The following CNTN3 variants were observed in gnomAD, a reference collection of about 807,000 sequenced individuals.
CNTN3 encodes contactin-3.
CNTN3 carries 60 observed loss-of-function variants against 119.1 expected under a neutral mutation model. That is an observed-to-expected ratio of 0.50 (90% CI 0.41 to 0.62). The LOEUF is 0.62. Among genes scored for constraint, CNTN3 ranks in the 20% least tolerant of loss-of-function variants. The pLI, the probability that CNTN3 is intolerant of heterozygous loss-of-function variation, is 0.00. For synonymous variants in CNTN3, 450 were observed against 438.7 expected (o/e 1.03, Z -0.32); for missense variants, 1,101 against 1,242.4 (o/e 0.89, Z 1.71).
intron 4 of CNTN3, among the ~76,000 whole-genome samples, chr3:74,448,282 A>G (rs1269512710): frequency 6.6e-6 from 1 of 152,158 alleles, no homozygotes; most frequent in Non-Finnish European, 1.5e-5. Flanking sequence ...CTTTTAACCA[A>G]CAACATAGAG....
chr3:74,589,359 CTCA>C (rs1354401617), intron 1 of CNTN3, among the ~76,000 whole-genome samples: 25 of 148,796 alleles, frequency 1.7e-4, no homozygotes, highest in Non-Finnish European at 3.3e-4. Flanking sequence ...TGAAAAAATG[CTCA>C]TCATCACTGG....
At chr3:74,438,858 G>A (rs1701914537) in intron 4 of CNTN3, among the ~76,000 whole-genome samples, 1 of 152,034 alleles carries the variant, frequency 6.6e-6, no homozygotes, top group Non-Finnish European at 1.5e-5. Flanking sequence ...TAGCAATATT[G>A]AAAAATATAA....
intron 4 of CNTN3, among the ~76,000 whole-genome samples, chr3:74,466,071 T>C (rs1246290478): frequency 1.3e-5 from 2 of 152,148 alleles, no homozygotes; most frequent in East Asian, 3.9e-4. Flanking sequence ...TGAGTTTCTA[T>C]TGCTTGTCAC....
chr3:74,270,770 G>A (rs1182385833), intron 20 of CNTN3, among the ~76,000 whole-genome samples: 1 of 152,096 alleles, frequency 6.6e-6, no homozygotes, highest in Non-Finnish European at 1.5e-5. Context: ...ACCTAAACTG[G>A]TAAGTAGTCT....
At chr3:74,542,941 A>T (rs1357582380) in intron 1 of CNTN3, among the ~76,000 whole-genome samples, 2 of 152,098 alleles carry the variant, frequency 1.3e-5, no homozygotes, top group African/African-American at 4.8e-5. Flanking sequence ...CAACATACCA[A>T]GATTCCCATC....
intron 1 of CNTN3, among the ~76,000 whole-genome samples, chr3:74,539,600 T>G (rs1341081494): frequency 1.3e-5 from 2 of 152,064 alleles, no homozygotes; most frequent in Non-Finnish European, 2.9e-5. Flanking sequence ...AAAAAAAAAT[T>G]AATACGTCAT....
At chr3:74,439,505 G>T (rs1046020746) in intron 4 of CNTN3, among the ~76,000 whole-genome samples, 2 of 152,046 alleles carry the variant, frequency 1.3e-5, no homozygotes, top group Non-Finnish European at 2.9e-5. Flanking sequence ...ATCATCTAAA[G>T]TTGCATATAT....
At chr3:74,508,184 A>T (rs891655435) in intron 2 of CNTN3, among the ~76,000 whole-genome samples, 2 of 152,158 alleles carry the variant, frequency 1.3e-5, no homozygotes, top group African/African-American at 4.8e-5. Context: ...GTGAGTTCTC[A>T]TGAGATCTGA....
chr3:74,307,610 A>G (rs1237502691), intron 13 of CNTN3, among the ~76,000 whole-genome samples: 1 of 152,182 alleles, frequency 6.6e-6, no homozygotes, highest in Non-Finnish European at 1.5e-5. Context: ...CTAAAGAAAG[A>G]AAACACTACC....
chr3:74,339,242 T>C (rs990275167), intron 11 of CNTN3, among the ~76,000 whole-genome samples: 5 of 152,078 alleles, frequency 3.3e-5, no homozygotes, highest in African/African-American at 1.2e-4. Flanking sequence ...ACCTCCTCTT[T>C]GGTGTCACAT....
intron 11 of CNTN3, among the ~76,000 whole-genome samples, chr3:74,356,880 T>C (rs568857785): frequency 6.6e-6 from 1 of 152,298 alleles, no homozygotes; most frequent in Non-Finnish European, 1.5e-5. Context: ...AAGCTGTTAT[T>C]GTGCTGCTAT....
At chr3:74,552,851 G>A (rs918655430) in intron 1 of CNTN3, among the ~76,000 whole-genome samples, 1 of 152,100 alleles carries the variant, frequency 6.6e-6, no homozygotes, top group African/African-American at 2.4e-5. Flanking sequence ...TTGTGAAGAA[G>A]GTGCCTGCTT....
chr3:74,296,884 T>G lies in CNTN3; in HGVS notation c.2401+1073A>C, dbSNP rs184323204. Reference sequence around the variant, plus strand: ...AGTTTCTGCCATTTTTTTTTTTTTTTGTAGAACTACATGAGATAGCCAACA... The same window carrying G: ...AGTTTCTGCCATTTTTTTTTTTTTTGGTAGAACTACATGAGATAGCCAACA... On this transcript the variant is annotated intron_variant, in intron 18 of 22. Coordinates refer to ENST00000263665, the MANE Select transcript of CNTN3 (RefSeq NM_020872.3). Among the ~76,000 whole-genome samples, 1,042 of 150,182 alleles carry G rather than the reference T, an allele frequency of 6.9e-3. 5 individuals are homozygous for G. The highest frequency in any genetic ancestry group is 0.025 in the African/African-American group (1,002 of 39,810).
intron 1 of CNTN3, among the ~76,000 whole-genome samples, chr3:74,558,236 C>A (rs972952691): frequency 6.6e-6 from 1 of 152,194 alleles, no homozygotes; most frequent in Non-Finnish European, 1.5e-5. Context: ...GATACTACTG[C>A]ATCATAGTTC....
chr3:74,546,253 C>A (rs1703914149), intron 1 of CNTN3, among the ~76,000 whole-genome samples: 1 of 152,160 alleles, frequency 6.6e-6, no homozygotes, highest in Non-Finnish European at 1.5e-5. Context: ...CCTCAGCCTC[C>A]CAAAGTGCTG....
intron 8 of CNTN3, among the ~76,000 whole-genome samples, chr3:74,368,458 T>C (rs1704251155): frequency 6.6e-6 from 1 of 152,100 alleles, no homozygotes. Context: ...GAGCTGAATA[T>C]ATACGTCTCC....
At position 74,270,707 on chromosome 3, in the gene CNTN3, C is replaced by G. The variant is rs183214911; in HGVS notation, c.2705-3329G>C. ...TCTAATTTTACTTTTTGTATTTGAA[C>G]CTGTGTGGAAGTGCAACCCAGAATA... is the stretch of plus-strand genomic sequence containing the variant. On this transcript the variant is annotated intron_variant, in intron 20 of 22. Transcript: ENST00000263665. Among the ~76,000 whole-genome samples the G allele has an allele frequency of 7.9e-5, 12 of 152,218 alleles. No homozygotes were observed. In the East Asian group the frequency reaches 1.2e-3, roughly 15 times the overall value.
intron 13 of CNTN3, among the ~76,000 whole-genome samples, chr3:74,308,897 A>G (rs1702620284): frequency 6.6e-6 from 1 of 152,140 alleles, no homozygotes; most frequent in Non-Finnish European, 1.5e-5. Flanking sequence ...CACCAAAATA[A>G]TAGTTACCTA....
At chr3:74,508,801 G>C (rs11711575) in intron 2 of CNTN3, among the ~76,000 whole-genome samples, 1 of 152,122 alleles carries the variant, frequency 6.6e-6, no homozygotes, top group Non-Finnish European at 1.5e-5. Context: ...CTTTGGTCTA[G>C]AAACCTTCTC....
Sources: gnomAD v4.1 joint callset for allele counts (sites outside exome capture counted in the v4.1 genomes callset) on GRCh38, gnomAD v4.1.1 for gene constraint, MANE v1.5 for transcripts, NCBI Gene and HGNC (gene_info 2026-07-23, HGNC 2026-07-21) for gene names.